The following ULK4 variants were observed in gnomAD, a reference collection of about 807,000 sequenced individuals.
ULK4 encodes the protein inactive serine/threonine-protein kinase ULK4.
In ULK4, 133 loss-of-function variants were observed where a neutral mutation model predicts 160.6. The ratio of observed to expected loss-of-function variants is 0.83; its 90% CI spans 0.72 to 0.96. The LOEUF (loss-of-function observed/expected upper bound fraction) is 0.96, where lower values mean the gene tolerates loss of function less well. Ranked by LOEUF, ULK4 falls within the 40% of genes least tolerant of loss-of-function variation. ULK4 has a pLI of 0.00. For missense variants in ULK4, 1,580 were observed against 1,499.5 expected, an observed-to-expected ratio of 1.05 and a Z score of -0.89; for synonymous variants, 534 against 539.8, an observed-to-expected ratio of 0.99 and a Z score of 0.15.
chr3:41,850,376 G>A (rs2125672763), intron 17 of ULK4, among the ~76,000 whole-genome samples: 1 of 152,250 alleles, frequency 6.6e-6, no homozygotes, highest in East Asian at 1.9e-4. Context: ...AGATCTCTGA[G>A]GAATCGCCAC....
chr3:41,938,504 A>G (rs1229698940), intron 2 of ULK4, among the ~76,000 whole-genome samples: 1 of 152,136 alleles, frequency 6.6e-6, no homozygotes, highest in Non-Finnish European at 1.5e-5. Context: ...CAACGCGGTG[A>G]AACCCCGTCT....
At chr3:41,806,929 C>T (rs1474264326) in intron 19 of ULK4, among the ~76,000 whole-genome samples, 2 of 152,126 alleles carry the variant, frequency 1.3e-5, no homozygotes, top group South Asian at 2.1e-4. Flanking sequence ...AGGTGGATTG[C>T]TTGAGCTCAT....
At chr3:41,544,484 T>C (rs56348936) in intron 32 of ULK4, among the ~76,000 whole-genome samples, 9,350 of 152,242 alleles carry the variant, frequency 0.061, 857 homozygotes, top group African/African-American at 0.2. Flanking sequence ...CTTCATCATA[T>C]GTATAGCCCT....
At chr3:41,905,122 A>T (rs1363443732) in intron 12 of ULK4, among the ~76,000 whole-genome samples, 1 of 152,224 alleles carries the variant, frequency 6.6e-6, no homozygotes, top group East Asian at 1.9e-4. Flanking sequence ...AGAGTGTGCC[A>T]CTGGTATAAG....
chr3:41,831,551 CT>C (rs1467186250), intron 18 of ULK4, among the ~76,000 whole-genome samples: 1 of 124,800 alleles, frequency 8.0e-6, no homozygotes, highest in Non-Finnish European at 1.5e-5. Flanking sequence ...CTTTCTTAAA[CT>C]TTAGGTTCTA....
intron 32 of ULK4, among the ~76,000 whole-genome samples, chr3:41,544,611 C>A (rs1382855889): frequency 1.3e-5 from 2 of 152,178 alleles, no homozygotes; most frequent in Non-Finnish European, 2.9e-5. Flanking sequence ...CTCTTCTTTG[C>A]TCCAGATGGT....
chr3:41,819,631 T>C (rs1171912800), intron 18 of ULK4, 125 bp from the exon 19 acceptor site: 1 of 711,496 alleles, frequency 1.4e-6, no homozygotes, highest in African/African-American at 1.8e-5. Context: ...ATTTAAAGTA[T>C]TACTTACTAT....
At chr3:41,578,110 G>A (rs1441834341) in intron 31 of ULK4, among the ~76,000 whole-genome samples, 1 of 152,216 alleles carries the variant, frequency 6.6e-6, no homozygotes, top group East Asian at 1.9e-4. Context: ...GAATTTTTCA[G>A]TTTTTGCAGC....
chr3:41,516,319 C>T (rs1694843690), intron 32 of ULK4, among the ~76,000 whole-genome samples: 1 of 152,146 alleles, frequency 6.6e-6, no homozygotes, highest in Admixed American at 6.5e-5. Flanking sequence ...GTACTTTCTG[C>T]ACTCACTTCT....
At chr3:41,944,289 C>T (rs1700048022) in intron 2 of ULK4, among the ~76,000 whole-genome samples, 1 of 152,190 alleles carries the variant, frequency 6.6e-6, no homozygotes, top group African/African-American at 2.4e-5. Flanking sequence ...GTTTCCTTTA[C>T]ATGAGAGAAA....
chr3:41,294,555 T>A (rs908345002), intron 35 of ULK4, among the ~76,000 whole-genome samples: 2 of 152,136 alleles, frequency 1.3e-5, no homozygotes, highest in Admixed American at 1.3e-4. Context: ...AAGAAAGTAA[T>A]CATATACGTT....
chr3:41,312,725 T>C lies in ULK4; in HGVS notation c.3679-63151A>G, dbSNP rs150470331. On this transcript the variant is annotated intron_variant, in intron 35 of 36. Transcript: ENST00000301831. ...TAAGAGGCTGAGGTGGAAGGATTAC[T>C]TGAGCCCAGGGATTTGAGGTTACAC... Among the ~76,000 whole-genome samples the C allele has an allele frequency of 5.3e-4, 80 of 152,184 alleles. 1 individual carries two copies. Among genetic ancestry groups the C allele is most frequent in the Non-Finnish European group, 1.1e-3 (74 of 67,998 alleles).
rs1388915096 is a variant in ULK4 at position 41,744,147 on chromosome 3, A to G, written c.2321+10214T>C. On this transcript the variant is annotated intron_variant, in intron 22 of 36. Coordinates refer to ENST00000301831, the MANE Select transcript of ULK4 (RefSeq NM_017886.4). The stretch of plus-strand genomic sequence containing the variant: ...CCAAATGTTCAGATAACCCAAAGAA[A>G]GGTAAGTAAAGAGAAACAAAATAAG... Among the ~76,000 whole-genome samples the G allele has an allele frequency of 2.0e-5, 3 of 151,926 alleles. 1 individual carries two copies. The highest frequency in any genetic ancestry group is 7.3e-5 in the African/African-American group (3 of 41,194).
At chr3:41,767,364 T>C (rs765878959) in intron 21 of ULK4, among the ~76,000 whole-genome samples, 7 of 151,896 alleles carry the variant, frequency 4.6e-5, no homozygotes, top group Non-Finnish European at 7.4e-5. Context: ...TGTATTAAAA[T>C]ACTTTTTGCT....
intron 32 of ULK4, among the ~76,000 whole-genome samples, chr3:41,473,026 A>G (rs549442080): frequency 3.3e-5 from 5 of 152,368 alleles, no homozygotes; most frequent in Admixed American, 2.0e-4. Flanking sequence ...CAATAGATGC[A>G]TAGAAATAAT....
At chr3:41,262,164 GGA>G (rs1173009264) in intron 35 of ULK4, among the ~76,000 whole-genome samples, 1 of 152,238 alleles carries the variant, frequency 6.6e-6, no homozygotes, top group Non-Finnish European at 1.5e-5. Context: ...TGTGGCTGCA[GGA>G]GCACCAGGCG....
chr3:41,347,529 C>CTCT (rs1445923391), intron 35 of ULK4, among the ~76,000 whole-genome samples: 2 of 152,134 alleles, frequency 1.3e-5, no homozygotes, highest in Non-Finnish European at 2.9e-5. Flanking sequence ...ATGCAACACC[C>CTCT]TATCTAACAC....
chr3:41,558,880 A>G (rs1414515722), intron 32 of ULK4, among the ~76,000 whole-genome samples: 1 of 151,260 alleles, frequency 6.6e-6, no homozygotes, highest in Non-Finnish European at 1.5e-5. Flanking sequence ...TTATTTATTT[A>G]TTTATTTTAT....
chr3:41,637,054 A>G (rs1232196690), intron 30 of ULK4, among the ~76,000 whole-genome samples: 1 of 152,198 alleles, frequency 6.6e-6, no homozygotes, highest in Admixed American at 6.5e-5. Context: ...TAATATATAC[A>G]TTATCTTCTT....
Sources: gnomAD v4.1 joint callset for allele counts (sites outside exome capture counted in the v4.1 genomes callset) on GRCh38, gnomAD v4.1.1 for gene constraint, MANE v1.5 for transcripts, NCBI Gene and HGNC (gene_info 2026-07-23, HGNC 2026-07-21) for gene names.